The following PPP2R2C variants were observed in gnomAD, a reference collection of about 807,000 sequenced individuals.
PPP2R2C encodes the protein protein phosphatase 2, regulatory subunit B, gamma.
A neutral mutation model predicts 45.3 loss-of-function variants in PPP2R2C; 10 were observed. That is an observed-to-expected ratio of 0.22 (90% CI 0.14 to 0.37). PPP2R2C has a LOEUF of 0.37. Ranked by LOEUF, PPP2R2C falls within the 10% of genes least tolerant of loss-of-function variation. The pLI is 1.00. For synonymous variants in PPP2R2C, 257 were observed against 245.4 expected, an observed-to-expected ratio of 1.05 and a Z score of -0.44; for missense variants, 308 against 619.7, an observed-to-expected ratio of 0.50 and a Z score of 5.34.
intron 1 of PPP2R2C, among the ~76,000 whole-genome samples, chr4:6,458,292 T>C (rs34156583): frequency 0.27 from 41,778 of 152,026 alleles, 6,361 homozygotes; most frequent in East Asian, 0.42. Flanking sequence ...ATAGACCGGG[T>C]GGCTTATAAA....
rs967379320 is a variant in PPP2R2C at position 6,330,497 on chromosome 4, C to T, written c.961-1144G>A. On this transcript the variant is annotated intron_variant, in intron 7 of 8. Transcript: ENST00000382599. The surrounding 1 kb of genome is among the most constrained non-coding windows in gnomAD (Gnocchi z 7.0). ...AGGCTGCCCTCCATCATGTGGGGGGCCTTGTCCAATCAGTCGAAGGCCCTG... is the reference window on the plus strand; with the variant it reads ...AGGCTGCCCTCCATCATGTGGGGGGTCTTGTCCAATCAGTCGAAGGCCCTG... 1.3e-5 allele frequency among the ~76,000 whole-genome samples: 2 copies of T among 152,102 alleles called. No individual in the cohort carries two copies. The highest frequency in any genetic ancestry group is 2.9e-5 in the Non-Finnish European group (2 of 68,012).
chr4:6,493,564 C>T (rs1018474330), intron 2 of PPP2R2C, among the ~76,000 whole-genome samples: 33 of 151,292 alleles, frequency 2.2e-4, no homozygotes, highest in African/African-American at 7.1e-4. Flanking sequence ...ACTAACAGTG[C>T]TGTGTTAGAA....
intron 2 of PPP2R2C, chr4:6,535,129 G>A (rs1248185461): frequency 2.0e-6 from 2 of 983,012 alleles, no homozygotes; most frequent in Admixed American, 2.4e-5. Context: ...CCAGGGGCCA[G>A]AGCAGGGGAG....
At chr4:6,474,781 C>T (rs1254619352), upstream of PPP2R2C, among the ~76,000 whole-genome samples, 3 of 150,570 alleles carry the variant, frequency 2.0e-5, no homozygotes, top group Admixed American at 2.0e-4. Flanking sequence ...ACACTGTCTC[C>T]TCCATTTCCT....
intron 6 of PPP2R2C, among the ~76,000 whole-genome samples, chr4:6,347,478 T>C (rs1338527295): frequency 6.6e-6 from 1 of 152,004 alleles, no homozygotes; most frequent in Admixed American, 6.5e-5. Flanking sequence ...GAGGGAAGCT[T>C]TGGGGGCTGC....
intron 2 of PPP2R2C, among the ~76,000 whole-genome samples, chr4:6,504,812 A>G (rs1488864821): frequency 2.6e-5 from 4 of 152,220 alleles, no homozygotes; most frequent in Admixed American, 2.6e-4. Context: ...CTGTGGGCCA[A>G]ACACCAAACA....
At chr4:6,472,644 T>G (rs4441821), upstream of PPP2R2C, among the ~76,000 whole-genome samples, 2 of 147,652 alleles carry the variant, frequency 1.4e-5, no homozygotes, top group African/African-American at 2.4e-5. Context: ...CCGCCGCCGC[T>G]GTCGCAGGCC....
At chr4:6,406,933 GGCAAGTGGCTTTATAA>G (rs768187399) in intron 1 of PPP2R2C, among the ~76,000 whole-genome samples, 11 of 152,272 alleles carry the variant, frequency 7.2e-5, no homozygotes, top group Non-Finnish European at 1.3e-4. Flanking sequence ...TAAATGCAGT[GGCAAGTGGCTTTATAA>G]GAGACACACA....
chr4:6,431,897 G>A (rs1461102671), intron 1 of PPP2R2C, among the ~76,000 whole-genome samples: 2 of 152,130 alleles, frequency 1.3e-5, no homozygotes, highest in African/African-American at 4.8e-5. Context: ...CTAGAGGCTG[G>A]GAAGTCCAAG....
chr4:6,512,194 G>A (rs1200376886), intron 2 of PPP2R2C, among the ~76,000 whole-genome samples: 2 of 74,910 alleles, frequency 2.7e-5, no homozygotes, highest in African/African-American at 5.8e-5. Context: ...GGTGGTGGTG[G>A]TGGTGATGGT....
intron 1 of PPP2R2C, among the ~76,000 whole-genome samples, chr4:6,424,021 T>C (rs1249396074): frequency 6.6e-6 from 1 of 152,240 alleles, no homozygotes; most frequent in Non-Finnish European, 1.5e-5. Flanking sequence ...TGCCCATGCA[T>C]TCTGCCAGGG....
intron 5 of PPP2R2C, among the ~76,000 whole-genome samples, chr4:6,356,047 G>T: frequency 6.8e-6 from 1 of 147,518 alleles, no homozygotes; most frequent in Non-Finnish European, 1.5e-5. Flanking sequence ...CACGTCACAC[G>T]TGCTGCGGGT....
intron 1 of PPP2R2C, among the ~76,000 whole-genome samples, chr4:6,538,532 T>G (rs1360885207): frequency 7.1e-6 from 1 of 141,800 alleles, no homozygotes; most frequent in Non-Finnish European, 1.6e-5. Context: ...CCTGCTATTT[T>G]CACTAGGCAA....
chr4:6,405,834 T>C (rs1679371518), intron 1 of PPP2R2C, among the ~76,000 whole-genome samples: 1 of 152,150 alleles, frequency 6.6e-6, no homozygotes, highest in African/African-American at 2.4e-5. Context: ...GGGGAACGGC[T>C]TCGCGGAGGG....
chr4:6,350,548 C>T (rs559939125), intron 5 of PPP2R2C: 1 of 985,360 alleles, frequency 1.0e-6, no homozygotes, highest in South Asian at 4.7e-5. Flanking sequence ...CATCAGGACA[C>T]TCATTCTCGT....
chr4:6,563,633 G>C (rs1321452396), upstream of PPP2R2C: 2 of 151,736 alleles, frequency 1.3e-5, no homozygotes, highest in African/African-American at 4.9e-5. The surrounding 1 kb of genome is among the most constrained non-coding windows in gnomAD (Gnocchi z 5.8). Context: ...CGGCGGGCGC[G>C]GCGGGCGCGG....
At chr4:6,413,438 C>G (rs1295383389) in intron 1 of PPP2R2C, among the ~76,000 whole-genome samples, 3 of 152,306 alleles carry the variant, frequency 2.0e-5, no homozygotes, top group Admixed American at 1.3e-4. Context: ...GGGTCAGAGC[C>G]TCCAGAGGTG....
chr4:6,500,721 C>A (rs988919304), intron 2 of PPP2R2C, among the ~76,000 whole-genome samples: 1 of 152,254 alleles, frequency 6.6e-6, no homozygotes, highest in African/African-American at 2.4e-5. Context: ...CCCCAAATGA[C>A]AAATAGCCCA....
At chr4:6,383,439 G>A (rs1242866384) in intron 1 of PPP2R2C, 1 of 1,288,652 alleles carries the variant, frequency 7.8e-7, no homozygotes, top group Non-Finnish European at 1.0e-6. Context: ...CTCTCCACCT[G>A]CTTATTCCCC....
Sources: gnomAD v4.1 joint callset for allele counts (sites outside exome capture counted in the v4.1 genomes callset) on GRCh38, gnomAD v4.1.1 for gene constraint, Gnocchi (gnomAD v3.1) non-coding constraint, MANE v1.5 for transcripts, NCBI Gene and HGNC (gene_info 2026-07-23, HGNC 2026-07-21) for gene names.